Variants in KATNIP observed in about 807,000 individuals in gnomAD.
KATNIP encodes katanin-interacting protein.
KATNIP carries 126 observed loss-of-function variants against 174.0 expected under a neutral mutation model. The ratio of observed to expected loss-of-function variants is 0.72; its 90% CI spans 0.63 to 0.84. The LOEUF is 0.84. Ranked by LOEUF, KATNIP falls within the 40% of genes least tolerant of loss-of-function variation. The pLI, the probability that KATNIP is intolerant of heterozygous loss-of-function variation, is 0.00. For synonymous variants in KATNIP, 810 were observed against 835.7 expected (o/e 0.97, Z 0.53); for missense variants, 1,958 against 2,109.7 (o/e 0.93, Z 1.41).
chr16:27,721,820 C>A, intron 14 of KATNIP, 125 bp downstream of exon 14: 1 of 1,012,122 alleles, frequency 9.9e-7, no homozygotes, highest in Non-Finnish European at 1.4e-6. Flanking sequence ...CTCGTGTGTG[C>A]AGCAAGAGCC....
At position 27,774,951 on chromosome 16, in the gene KATNIP, C is replaced by T. The variant is rs763468216; in HGVS notation, c.4316C>T (p.Ala1439Val). ...EKIPLSENNI[A>V]AFPDSVNSLE... ...AACTTAGACGTCTCCTCAGATATTG[C>T]GGCCTTCCCCGACAGCGTGAACTCC... is the stretch of plus-strand genomic sequence containing the variant. Residue 1439 changes from alanine (A) to valine (V), a missense_variant, in exon 24 of 28, where the codon GCG becomes GTG. By Grantham distance (64) the Ala-to-Val change is moderately conservative. This residue lies in a region of KATNIP where 383 missense variants were observed against 456.0 expected (regional missense o/e 0.84). Coordinates refer to ENST00000261588, the MANE Select transcript of KATNIP (RefSeq NM_015202.5). 1.2e-5 allele frequency: 19 copies of T among 1,613,614 alleles called. No homozygotes were observed. The highest frequency in any genetic ancestry group is 4.5e-5 in the East Asian group (2 of 44,834).
At chr16:27,697,436 T>C (rs1216290924) in intron 8 of KATNIP, among the ~76,000 whole-genome samples, 5 of 152,154 alleles carry the variant, frequency 3.3e-5, no homozygotes, top group African/African-American at 7.2e-5. Context: ...CATATGCTTG[T>C]TGGATGCATG....
intron 2 of KATNIP, among the ~76,000 whole-genome samples, chr16:27,615,293 C>CT (rs528705562): frequency 0.021 from 2,675 of 129,348 alleles, 73 homozygotes; most frequent in African/African-American, 0.065. Context: ...CACATCTGGC[C>CT]TTTTTTTTTT....
intron 2 of KATNIP, among the ~76,000 whole-genome samples, chr16:27,614,978 A>C (rs985655809): frequency 5.3e-5 from 8 of 152,078 alleles, no homozygotes; most frequent in Admixed American, 5.2e-4. Context: ...AGGGAGAAAA[A>C]CCCAAGACTG....
intron 21 of KATNIP, among the ~76,000 whole-genome samples, chr16:27,770,421 T>G (rs965434632): frequency 6.6e-6 from 1 of 152,212 alleles, no homozygotes; most frequent in African/African-American, 2.4e-5. Context: ...TCACTGGGAT[T>G]TCTCGGCCCC....
intron 20 of KATNIP, among the ~76,000 whole-genome samples, chr16:27,769,569 C>T (rs970634777): frequency 4.6e-5 from 7 of 152,222 alleles, no homozygotes; most frequent in Non-Finnish European, 7.3e-5. Flanking sequence ...CATCTCATGC[C>T]GCCCCAGGCC....
chr16:27,598,021 A>C (rs577459232), intron 2 of KATNIP, among the ~76,000 whole-genome samples: 4 of 152,262 alleles, frequency 2.6e-5, no homozygotes, highest in South Asian at 2.1e-4. Context: ...TGAGCTCGGA[A>C]GTTCAAGACC....
chr16:27,622,948 T>C (rs1033162307), intron 3 of KATNIP, among the ~76,000 whole-genome samples: 1 of 151,922 alleles, frequency 6.6e-6, no homozygotes, highest in Non-Finnish European at 1.5e-5. Flanking sequence ...GGCAATGAGC[T>C]CCGTCCTCCA....
chr16:27,550,249 G>A, intron 1 of KATNIP, 72 bp downstream of exon 1: 1 of 1,554,638 alleles, frequency 6.4e-7, no homozygotes, highest in Non-Finnish European at 8.8e-7. Context: ...GCTTTGGGCA[G>A]AATCCTAGGC....
intron 11 of KATNIP, 60 bp downstream of exon 11, chr16:27,701,755 CT>C: frequency 8.7e-7 from 1 of 1,144,688 alleles, no homozygotes; most frequent in Non-Finnish European, 1.3e-6. Context: ...TGGGGATCTT[CT>C]TCATGAGGGT....
intron 1 of KATNIP, among the ~76,000 whole-genome samples, chr16:27,550,521 A>T (rs2089305276): frequency 6.6e-6 from 1 of 152,148 alleles, no homozygotes; most frequent in East Asian, 1.9e-4. Context: ...AGTTGATATG[A>T]AAACAAGCTT....
chr16:27,583,954 A>T (rs1261587995), intron 2 of KATNIP, among the ~76,000 whole-genome samples: 1 of 152,058 alleles, frequency 6.6e-6, no homozygotes, highest in Non-Finnish European at 1.5e-5. Context: ...GCCAGATGGC[A>T]TGGTGGGGGA....
intron 6 of KATNIP, chr16:27,654,842 A>C: frequency 9.0e-7 from 1 of 1,110,328 alleles, no homozygotes; most frequent in Non-Finnish European, 1.2e-6. Flanking sequence ...GTCTAGGAAA[A>C]CCACAGGGCG....
At chr16:27,712,514 G>A (rs968999060) in intron 13 of KATNIP, among the ~76,000 whole-genome samples, 2 of 152,154 alleles carry the variant, frequency 1.3e-5, no homozygotes, top group African/African-American at 4.8e-5. Context: ...GGCTGATAGA[G>A]CTCACCCGAC....
rs546644763 is a variant in KATNIP at position 27,670,691 on chromosome 16, G to C, written c.541-7038G>C. ...AGATGATTTTTCCAGGCAGCTGGCTGTCCAGGGTCCTCCACTCCACCATTC... is the reference window on the plus strand; with the variant it reads ...AGATGATTTTTCCAGGCAGCTGGCTCTCCAGGGTCCTCCACTCCACCATTC... On this transcript the variant is annotated intron_variant, in intron 6 of 27. Transcript: ENST00000261588. 9.9e-5 allele frequency among the ~76,000 whole-genome samples: 15 copies of C among 152,204 alleles called. No homozygotes were observed. In the South Asian group the frequency reaches 3.1e-3, roughly 32 times the overall value.
chr16:27,747,610 G>A (rs2081340098), intron 15 of KATNIP, among the ~76,000 whole-genome samples: 1 of 152,188 alleles, frequency 6.6e-6, no homozygotes, highest in Admixed American at 6.5e-5. Flanking sequence ...GGATACTGTC[G>A]GCATTGATCC....
intron 22 of KATNIP, among the ~76,000 whole-genome samples, chr16:27,772,772 C>T (rs943619577): frequency 6.6e-6 from 1 of 152,084 alleles, no homozygotes; most frequent in African/African-American, 2.4e-5. Flanking sequence ...GGAGAGCACC[C>T]TCTCCTCCCG....
chr16:27,584,963 A>G (rs1487164121), intron 2 of KATNIP, among the ~76,000 whole-genome samples: 1 of 152,118 alleles, frequency 6.6e-6, no homozygotes, highest in Non-Finnish European at 1.5e-5. Flanking sequence ...AGCCTGTGTT[A>G]TGTGCACCCT....
intron 13 of KATNIP, among the ~76,000 whole-genome samples, chr16:27,716,267 A>G (rs2079932997): frequency 6.6e-6 from 1 of 152,232 alleles, no homozygotes; most frequent in African/African-American, 2.4e-5. Context: ...ATCTGAAGGC[A>G]GAAAGTAGAT....
Sources: gnomAD v4.1 joint callset for allele counts (sites outside exome capture counted in the v4.1 genomes callset) on GRCh38, gnomAD v4.1.1 for gene constraint, gnomAD v4.1.1 regional missense constraint, MANE v1.5 for transcripts, NCBI Gene and HGNC (gene_info 2026-07-23, HGNC 2026-07-21) for gene names.